WDR25: variants seen among roughly 807,000 people sequenced by gnomAD.
WDR25 encodes WD repeat-containing protein 25.
WDR25 carries 35 observed loss-of-function variants against 47.7 expected under a neutral mutation model. The observed-to-expected ratio is 0.73, with a 90% CI of 0.56 to 0.97. WDR25 has a LOEUF of 0.97. WDR25 is among the 50% of genes least tolerant of loss of function. The pLI is 0.00. For missense variants in WDR25, 634 were observed against 704.7 expected (o/e 0.90, Z 1.14); for synonymous variants, 248 against 278.9 (o/e 0.89, Z 1.10).
chr14:100,391,065 C>T (rs1299996712), intron 2 of WDR25, among the ~76,000 whole-genome samples: 3 of 152,156 alleles, frequency 2.0e-5, no homozygotes, highest in Non-Finnish European at 4.4e-5. Context: ...ATATTTTACC[C>T]TCTTCCCCCC....
rs375660046 is a variant in WDR25 at position 100,381,547 on chromosome 14, C to T, written c.623C>T (p.Pro208Leu). The change falls in exon 2 of 7, where the codon CCA becomes CTA. Residue 208 changes from proline to leucine, a missense_variant. By Grantham distance (98) the Pro-to-Leu change is moderately conservative (BLOSUM62 -3). Coordinates refer to ENST00000402312, the MANE Select transcript of WDR25 (RefSeq NM_001161476.3). The part of the protein sequence containing the change: ...EPQGPPAGRA[P>L]APLYVGPGVS... Reference sequence around the variant, plus strand: ...CAGGGGCCCCCTGCAGGGCGTGCCCCAGCCCCTCTCTACGTGGGCCCGGGA... The same window carrying T: ...CAGGGGCCCCCTGCAGGGCGTGCCCTAGCCCCTCTCTACGTGGGCCCGGGA... The T allele has an allele frequency of 6.2e-7, 1 of 1,614,016 alleles. No homozygotes were observed. The highest frequency in any genetic ancestry group is 8.5e-7 in the Non-Finnish European group (1 of 1,179,910).
intron 2 of WDR25, among the ~76,000 whole-genome samples, chr14:100,457,949 A>C (rs932517301): frequency 2.0e-5 from 3 of 152,220 alleles, no homozygotes; most frequent in African/African-American, 7.2e-5. Context: ...TAACAATGGG[A>C]GATAAAATAA....
chr14:100,391,854 T>G (rs570245860), intron 2 of WDR25, among the ~76,000 whole-genome samples: 12 of 152,328 alleles, frequency 7.9e-5, no homozygotes, highest in Admixed American at 7.8e-4. Flanking sequence ...TAGGAGTTAT[T>G]TGCCTTTTCC....
Position 100,468,717 on chromosome 14 carries a change from T to C in WDR25, c.970+549T>C, listed in dbSNP as rs974867737. On this transcript the variant is annotated intron_variant, in intron 3 of 6. Coordinates refer to ENST00000402312, the MANE Select transcript of WDR25 (RefSeq NM_001161476.3). The surrounding 1 kb of genome is among the most constrained non-coding windows in gnomAD (Gnocchi z 4.5). Reference sequence around the variant, plus strand: ...AGAGAGAAGTCAGTGGAAGGAACTTTCCTTACTCAGCGCTCCTGTGCAACA... The same window carrying C: ...AGAGAGAAGTCAGTGGAAGGAACTTCCCTTACTCAGCGCTCCTGTGCAACA... Among the ~76,000 whole-genome samples, 1 of 152,022 alleles carries C rather than the reference T, an allele frequency of 6.6e-6. No individual in the cohort carries two copies. Among genetic ancestry groups the C allele is most frequent in the African/African-American group, 2.4e-5 (1 of 41,392 alleles).
At chr14:100,526,793 C>CACCACTACCACCACCATT (rs1555397795) in intron 5 of WDR25, among the ~76,000 whole-genome samples, 12 of 9,148 alleles carry the variant, frequency 1.3e-3, no homozygotes, top group East Asian at 3.0e-3. Flanking sequence ...TCACCACCAT[C>CACCACTACCACCACCATT]ATCACCAGCA....
chr14:100,493,006 T>A (rs1347043250), intron 4 of WDR25, among the ~76,000 whole-genome samples: 1 of 152,190 alleles, frequency 6.6e-6, no homozygotes, highest in African/African-American at 2.4e-5. Flanking sequence ...GAGAAGGGTC[T>A]CACTATGTTG....
intron 4 of WDR25, among the ~76,000 whole-genome samples, chr14:100,517,204 C>A (rs1901534574): frequency 6.6e-6 from 1 of 150,834 alleles, no homozygotes; most frequent in Non-Finnish European, 1.5e-5. Flanking sequence ...CAAGTCCCGC[C>A]TCCAGGGTTC....
At chr14:100,516,941 T>G (rs1334088043) in intron 4 of WDR25, among the ~76,000 whole-genome samples, 1 of 151,470 alleles carries the variant, frequency 6.6e-6, no homozygotes, top group African/African-American at 2.4e-5. Flanking sequence ...TTTTTTTTTT[T>G]TTTAAAGGAG....
chr14:100,484,482 G>A (rs1436507932), intron 4 of WDR25, among the ~76,000 whole-genome samples: 1 of 151,868 alleles, frequency 6.6e-6, no homozygotes, highest in Non-Finnish European at 1.5e-5. Flanking sequence ...GTGTGTGTGT[G>A]TGCGTGTGTG....
chr14:100,487,856 C>T lies in WDR25; in HGVS notation c.1101+3732C>T, dbSNP rs958633294. 2.6e-5 allele frequency: 4 copies of T among 152,196 alleles called. 1 individual carries two copies. The highest frequency in any genetic ancestry group is 5.9e-5 in the Non-Finnish European group (4 of 68,034). 9.4% of individuals were successfully genotyped at this position (152,196 alleles called of 1,614,324 possible). A position where few individuals can be genotyped will look rare whatever the true frequency, so the allele number is the denominator to read the frequency against. The stretch of plus-strand genomic sequence containing the variant: ...AGCTTGAATCTCAGAATGAAAATTT[C>T]TGGGTCAAAGCAAGCCTACATTGTG... On this transcript the variant is annotated intron_variant, in intron 4 of 6. Transcript: ENST00000402312.
chr14:100,470,296 C>T (rs181329077), intron 3 of WDR25, among the ~76,000 whole-genome samples: 4 of 152,210 alleles, frequency 2.6e-5, no homozygotes, highest in South Asian at 2.1e-4. Flanking sequence ...CTGAGGAGTG[C>T]AGGAGGGGAA....
intron 4 of WDR25, among the ~76,000 whole-genome samples, chr14:100,522,891 G>A (rs552319339): frequency 3.3e-5 from 5 of 152,188 alleles, no homozygotes; most frequent in Non-Finnish European, 7.3e-5. Flanking sequence ...CTGCAGCGTG[G>A]AGCACAGTCC....
chr14:100,511,495 C>G (rs1901309794), intron 4 of WDR25, among the ~76,000 whole-genome samples: 1 of 152,080 alleles, frequency 6.6e-6, no homozygotes, highest in Admixed American at 6.6e-5. Context: ...TTATTCTTTT[C>G]CAATCTGGAC....
At chr14:100,447,475 C>G (rs1294362691) in intron 2 of WDR25, among the ~76,000 whole-genome samples, 2 of 152,224 alleles carry the variant, frequency 1.3e-5, no homozygotes, top group East Asian at 1.9e-4. Flanking sequence ...GTCTGCAGCT[C>G]TCTTCCGGTC....
chr14:100,522,375 T>G (rs73351056), intron 4 of WDR25, among the ~76,000 whole-genome samples: 19,139 of 152,208 alleles, frequency 0.13, 3,870 homozygotes, highest in African/African-American at 0.43. Context: ...CATAGTTATG[T>G]TATACTTTGT....
In WDR25 at chr14:100,506,685, A is replaced by G. The variant is rs148645826; in HGVS notation, c.1102-19185A>G. Among the ~76,000 whole-genome samples, 1,467 of 152,178 alleles carry G rather than the reference A, an allele frequency of 9.6e-3. 19 individuals carry two copies. The highest frequency in any genetic ancestry group is 0.033 in the African/African-American group (1,379 of 41,510). ...GACTAGTGATGTTGAACATTTTTTC[A>G]TATTTGCTGGCTGCCTGTATGTCTT... On this transcript the variant is annotated intron_variant, in intron 4 of 6. Transcript: ENST00000402312. The surrounding 1 kb of genome is among the most constrained non-coding windows in gnomAD (Gnocchi z 4.8).
At chr14:100,516,058 G>A (rs1281981847) in intron 4 of WDR25, among the ~76,000 whole-genome samples, 2 of 151,810 alleles carry the variant, frequency 1.3e-5, no homozygotes, top group Non-Finnish European at 2.9e-5. Flanking sequence ...CTTTTGATTG[G>A]ATGCCAGACA....
chr14:100,408,445 G>A (rs948459877), intron 2 of WDR25, among the ~76,000 whole-genome samples: 3 of 152,156 alleles, frequency 2.0e-5, no homozygotes, highest in Non-Finnish European at 4.4e-5. Flanking sequence ...GGAGACCTGA[G>A]ATGACAGAAG....
At chr14:100,443,035 G>C (rs1005516145) in intron 2 of WDR25, among the ~76,000 whole-genome samples, 1 of 152,212 alleles carries the variant, frequency 6.6e-6, no homozygotes, top group African/African-American at 2.4e-5. Flanking sequence ...CCAGGCGCTC[G>C]CACACAGGTG....
Sources: gnomAD v4.1 joint callset for allele counts (sites outside exome capture counted in the v4.1 genomes callset) on GRCh38, gnomAD v4.1.1 for gene constraint, Gnocchi (gnomAD v3.1) non-coding constraint, MANE v1.5 for transcripts, NCBI Gene and HGNC (gene_info 2026-07-23, HGNC 2026-07-21) for gene names.